The following ZC3H13 variants were observed in gnomAD, a reference collection of about 807,000 sequenced individuals.
ZC3H13 encodes zinc finger CCCH-type containing 13.
Under a neutral mutation model 204.1 loss-of-function variants are expected in ZC3H13, and 64 were observed. That is an observed-to-expected ratio of 0.31 (90% CI 0.26 to 0.39). ZC3H13 has a LOEUF of 0.39. Ranked by LOEUF, ZC3H13 falls within the 10% of genes least tolerant of loss-of-function variation. The pLI is 1.00. For missense variants in ZC3H13, 1,833 were observed against 2,082.7 expected (o/e 0.88, Z 2.33); for synonymous variants, 667 against 693.7 (o/e 0.96, Z 0.60).
chr13:46,001,959 A>G (rs1377075029), intron 8 of ZC3H13, among the ~76,000 whole-genome samples: 1 of 152,132 alleles, frequency 6.6e-6, no homozygotes, highest in African/African-American at 2.4e-5. Flanking sequence ...TGAAAAAAAA[A>G]AAAGCAACAT....
intron 4 of ZC3H13, among the ~76,000 whole-genome samples, chr13:46,028,690 C>G (rs2042692473): frequency 6.6e-6 from 1 of 152,026 alleles, no homozygotes; most frequent in South Asian, 2.1e-4. Context: ...TTAAACAACA[C>G]AATTTTAATA....
chr13:46,027,682 T>C (rs369579543), intron 4 of ZC3H13, among the ~76,000 whole-genome samples: 2 of 152,248 alleles, frequency 1.3e-5, no homozygotes, highest in South Asian at 4.1e-4. Flanking sequence ...AGTAAAGAAC[T>C]GGGAATATTT....
At position 45,963,870 on chromosome 13, in the gene ZC3H13, T is replaced by C. The variant is rs756286156; in HGVS notation, c.4647A>G (p.Thr1549=). ...GSELFAKVKE[T]CQRLLEKPKD... ...TGGGTTTTTCTAAAAGTCTCTGACATGTTTCTTTGACTTTGGCAAAGAGTT... is the reference window on the plus strand; with the variant it reads ...TGGGTTTTTCTAAAAGTCTCTGACACGTTTCTTTGACTTTGGCAAAGAGTT... The change falls in exon 17 of 19, where the codon ACA becomes ACG. Residue 1549 remains threonine (T), a synonymous_variant. Transcript: ENST00000679008. 6.2e-7 allele frequency: 1 copy of C among 1,614,138 alleles called. No individual in the cohort carries two copies. Among genetic ancestry groups the C allele is most frequent in the Admixed American group, 1.7e-5 (1 of 60,024 alleles).
intron 8 of ZC3H13, among the ~76,000 whole-genome samples, chr13:45,998,931 C>G (rs955544185): frequency 3.3e-5 from 5 of 152,060 alleles, no homozygotes; most frequent in African/African-American, 9.7e-5. Context: ...AGCATTTTAC[C>G]CACAGTAGAA....
At chr13:46,020,074 A>T (rs1352434052) in intron 5 of ZC3H13, among the ~76,000 whole-genome samples, 3 of 152,196 alleles carry the variant, frequency 2.0e-5, no homozygotes, top group African/African-American at 7.2e-5. Flanking sequence ...AACTTTCCCA[A>T]GTCCTTAAGA....
At chr13:45,992,100 T>C (rs896691349) in intron 8 of ZC3H13, among the ~76,000 whole-genome samples, 10 of 152,184 alleles carry the variant, frequency 6.6e-5, no homozygotes, top group South Asian at 2.1e-4. Flanking sequence ...GTAAAATGTA[T>C]ACATTTTTAA....
chr13:45,959,971 A>C (rs1206125741), intron 17 of ZC3H13, among the ~76,000 whole-genome samples: 3 of 151,864 alleles, frequency 2.0e-5, no homozygotes, highest in Non-Finnish European at 4.4e-5. Context: ...TTATTTTTTG[A>C]GATAAAGTAT....
intron 18 of ZC3H13, among the ~76,000 whole-genome samples, chr13:45,958,803 C>T (rs562857782): frequency 6.1e-4 from 93 of 151,998 alleles, no homozygotes; most frequent in Non-Finnish European, 9.7e-4. Flanking sequence ...TACAGATGCC[C>T]GCCACCATGC....
Position 45,988,797 on chromosome 13 carries a change from T to C in ZC3H13, c.1245A>G (p.Glu415=). Reference sequence around the variant, plus strand: ...AAGTACAGTACACACCTTCCCTCCTTTCATGGCGTCGATCATGAGACTGTG... The same window carrying C: ...AAGTACAGTACACACCTTCCCTCCTCTCATGGCGTCGATCATGAGACTGTG... ...RTSQSHDRRH[E]RREDTRGKRD... Residue 415 remains glutamate (E), a synonymous_variant, in exon 9 of 19, where the codon GAA becomes GAG. Coordinates refer to ENST00000679008, the MANE Select transcript of ZC3H13 (RefSeq NM_001330564.2). The C allele has an allele frequency of 6.2e-7, 1 of 1,612,314 alleles. No homozygotes were observed. The highest frequency in any genetic ancestry group is 8.5e-7 in the Non-Finnish European group (1 of 1,178,506).
intron 5 of ZC3H13, among the ~76,000 whole-genome samples, chr13:46,018,389 T>C (rs974473361): frequency 6.6e-6 from 1 of 152,042 alleles, no homozygotes; most frequent in African/African-American, 2.4e-5. Context: ...ATAAGCAGGA[T>C]AGTGACTAAC....
At chr13:46,033,839 T>C (rs75519742) in intron 4 of ZC3H13, among the ~76,000 whole-genome samples, 2,146 of 152,090 alleles carry the variant, frequency 0.014, 45 homozygotes, top group African/African-American at 0.048. Context: ...TTCATTCAAG[T>C]TGAAAGACAT....
chr13:45,966,507 C>T (rs1952098240), intron 15 of ZC3H13, among the ~76,000 whole-genome samples: 1 of 152,128 alleles, frequency 6.6e-6, no homozygotes, highest in African/African-American at 2.4e-5. Context: ...CTTTACATCA[C>T]ATAGCAAGTG....
At chr13:45,994,773 G>A (rs1340087861) in intron 8 of ZC3H13, among the ~76,000 whole-genome samples, 1 of 152,144 alleles carries the variant, frequency 6.6e-6, no homozygotes, top group Non-Finnish European at 1.5e-5. Context: ...GCTGGGGATA[G>A]GGTAGGGTGG....
chr13:45,991,032 G>A (rs1003990420), intron 8 of ZC3H13, among the ~76,000 whole-genome samples: 1 of 152,070 alleles, frequency 6.6e-6, no homozygotes, highest in South Asian at 2.1e-4. Flanking sequence ...GAACTCCTGG[G>A]CTCAAGCCAT....
intron 14 of ZC3H13, among the ~76,000 whole-genome samples, chr13:45,968,395 T>C (rs192757299): frequency 1.3e-5 from 2 of 152,252 alleles, no homozygotes; most frequent in Non-Finnish European, 2.9e-5. Flanking sequence ...TACTCCCCTA[T>C]CTTATTTTCT....
At chr13:46,043,019 A>ATAGAAATTTGTATAGAAATTTG (rs2043695041) in intron 3 of ZC3H13, among the ~76,000 whole-genome samples, 3 of 152,006 alleles carry the variant, frequency 2.0e-5, no homozygotes, top group African/African-American at 7.2e-5. Context: ...ATTTGACAGT[A>ATAGAAATTTGTATAGAAATTTG]TATGGCTATG....
intron 11 of ZC3H13, chr13:45,976,064 T>C (rs1472700640): frequency 2.4e-6 from 2 of 839,284 alleles, no homozygotes; most frequent in African/African-American, 3.7e-5. Flanking sequence ...TGTTTCCTGC[T>C]CCCCGTCAAC....
chr13:45,990,645 T>C (rs540038324), intron 8 of ZC3H13, among the ~76,000 whole-genome samples: 2 of 152,294 alleles, frequency 1.3e-5, no homozygotes, highest in African/African-American at 4.8e-5. Flanking sequence ...CTAATATGAG[T>C]GGAAATACTC....
rs1174835956 is a variant in ZC3H13 at position 46,052,694 on chromosome 13, C to T, written c.-300G>A. 1 of 398,692 alleles carries T rather than the reference C, an allele frequency of 2.5e-6. No homozygotes were observed. The highest frequency in any genetic ancestry group is 4.4e-6 in the Non-Finnish European group (1 of 226,176). 24.7% of individuals were successfully genotyped at this position (398,692 alleles called of 1,614,324 possible). On this transcript the variant is annotated 5_prime_UTR_variant, in exon 1 of 19. In the 5' UTR this introduces an upstream ATG that the reference lacks. Coordinates refer to ENST00000679008, the MANE Select transcript of ZC3H13 (RefSeq NM_001330564.2). The stretch of plus-strand genomic sequence containing the variant: ...AGATTAAGAAAAGGCAACAAAAACA[C>T]TACCAGGCCGCTAGGAGGACCGCCT...
Sources: allele counts gnomAD v4.1 joint callset (sites outside exome capture counted in the v4.1 genomes callset), GRCh38; gene constraint gnomAD v4.1.1; transcripts MANE v1.5; gene names NCBI Gene and HGNC (gene_info 2026-07-23, HGNC 2026-07-21).